Variants in PALS2 observed in about 807,000 individuals in gnomAD.
PALS2 encodes the protein protein associated with LIN7 2, MAGUK p55 family member.
In PALS2, 27 loss-of-function variants were observed where a neutral mutation model predicts 61.6. The observed-to-expected ratio is 0.44, with a 90% CI of 0.32 to 0.60. The LOEUF is 0.60. Among genes scored for constraint, PALS2 ranks in the 20% least tolerant of loss-of-function variants. PALS2 has a pLI of 0.05. For missense variants in PALS2, 554 were observed against 639.4 expected (o/e 0.87, Z 1.44); for synonymous variants, 236 against 218.6 (o/e 1.08, Z -0.70).
chr7:24,578,428 C>T (rs576740971), intron 1 of PALS2, among the ~76,000 whole-genome samples: 1 of 152,288 alleles, frequency 6.6e-6, no homozygotes, highest in East Asian at 1.9e-4. Context: ...CCTCTTTTGG[C>T]CATAAGTAAT....
intron 5 of PALS2, among the ~76,000 whole-genome samples, chr7:24,656,284 C>T (rs1222734125): frequency 6.6e-6 from 1 of 152,184 alleles, no homozygotes; most frequent in Non-Finnish European, 1.5e-5. Context: ...CTAGCCGTTT[C>T]ATCCATTTAA....
At chr7:24,582,477 A>G (rs560342906) in intron 1 of PALS2, among the ~76,000 whole-genome samples, 3 of 152,308 alleles carry the variant, frequency 2.0e-5, no homozygotes, top group Admixed American at 1.3e-4. Context: ...ATAGAATATT[A>G]CTATAAATAC....
chr7:24,625,856 A>G (rs1583894990), intron 2 of PALS2, among the ~76,000 whole-genome samples: 3 of 152,176 alleles, frequency 2.0e-5, no homozygotes, highest in African/African-American at 4.8e-5. Context: ...CAGTATTCCT[A>G]TAATATAGGT....
intron 11 of PALS2, 109 bp downstream of exon 11, chr7:24,680,629 T>TCAAACA: frequency 7.4e-7 from 1 of 1,350,246 alleles, no homozygotes; most frequent in Non-Finnish European, 9.8e-7. Context: ...AGAGTTTTGC[T>TCAAACA]TTGTCACCCA....
Position 24,692,303 on chromosome 7 carries a change from A to G in PALS2, c.*4689A>G, listed in dbSNP as rs1166019764. The G allele has an allele frequency of 2.6e-5, 4 of 152,196 alleles. No individual in the cohort carries two copies. The highest frequency in any genetic ancestry group is 5.9e-5 in the Non-Finnish European group (4 of 68,022). The allele number at this position is 152,196 out of a possible 1,614,324, so 9.4% of individuals were successfully genotyped here. ...AAGTAAAGACAGGGTACTGGCCAAG[A>G]TCCTAATTCTGACTTCTGACTGTGT... On this transcript the variant is annotated 3_prime_UTR_variant, in exon 12 of 12. Transcript: ENST00000222644.
In PALS2 at chr7:24,665,632, C is replaced by G; in HGVS notation, c.828C>G (p.Ser276Arg). ...GAGGAAGCGCTGGTCTCATTCCAAGCCAGTTCCTGGAAGAGAAGAGAAAGG... is the reference window on the plus strand; with the variant it reads ...GAGGAAGCGCTGGTCTCATTCCAAGGCAGTTCCTGGAAGAGAAGAGAAAGG... The part of the protein sequence containing the change: ...KEGGSAGLIP[S>R]QFLEEKRKAF... The change falls in exon 7 of 12, where the codon AGC becomes AGG. Residue 276 changes from serine (S) to arginine (R), a missense_variant. Transcript: ENST00000222644. 6.2e-7 allele frequency: 1 copy of G among 1,613,746 alleles called. No homozygotes were observed.
At chr7:24,671,104 T>A (rs1338859246) in intron 9 of PALS2, among the ~76,000 whole-genome samples, 2 of 152,206 alleles carry the variant, frequency 1.3e-5, no homozygotes, top group Admixed American at 1.3e-4. Context: ...ACTTCCACAC[T>A]GTTTTCCACA....
intron 6 of PALS2, among the ~76,000 whole-genome samples, 173 bp from the exon 7 acceptor site, chr7:24,665,415 C>T (rs1786962929): frequency 1.3e-5 from 2 of 152,178 alleles, no homozygotes; most frequent in African/African-American, 4.8e-5. Flanking sequence ...CCAATTGATT[C>T]TTCAGTGCTG....
Position 24,650,569 on chromosome 7 carries a change from C to T in PALS2, c.508C>T (p.His170Tyr), listed in dbSNP as rs780235524. ...AATGATAGATCGACAAGGTCTACTT[C>T]ATGTGGGAGATATAATTAAAGAAGT... Reference protein sequence around the residue: ...GGMIDRQGLLHVGDIIKEVNG... With the variant: ...GGMIDRQGLLYVGDIIKEVNG... Residue 170 changes from histidine (H) to tyrosine (Y), a missense_variant, in exon 5 of 12, where the codon CAT becomes TAT. Physicochemically the swap from His to Tyr is moderately conservative, Grantham distance 83. Transcript: ENST00000222644. The T allele has an allele frequency of 2.0e-5, 33 of 1,613,210 alleles. No individual in the cohort carries two copies. The highest frequency in any genetic ancestry group is 2.6e-5 in the Non-Finnish European group (31 of 1,179,542).
At chr7:24,579,324 C>G (rs1782751507) in intron 1 of PALS2, among the ~76,000 whole-genome samples, 2 of 152,122 alleles carry the variant, frequency 1.3e-5, no homozygotes, top group African/African-American at 4.8e-5. Flanking sequence ...AAACACAAAT[C>G]AAAATCTGAT....
Position 24,641,847 on chromosome 7 carries a change from A to G in PALS2, c.249A>G (p.Ile83Met), listed in dbSNP as rs752676362. 6.2e-7 allele frequency: 1 copy of G among 1,612,494 alleles called. No individual in the cohort carries two copies. Among genetic ancestry groups the G allele is most frequent in the Non-Finnish European group, 8.5e-7 (1 of 1,179,558 alleles). ...AAAATGTGGCAGAATTGGTTGGTAT[A>G]CTCAAAGAACCTCACTTCCAGGTAA... ...VDENVAELVGILKEPHFQSLL... is the reference protein window; with the variant it reads ...VDENVAELVGMLKEPHFQSLL... Residue 83 changes from isoleucine to methionine, a missense_variant, in exon 3 of 12, where the codon ATA (isoleucine) becomes ATG (methionine). Coordinates refer to ENST00000222644, the MANE Select transcript of PALS2 (RefSeq NM_001303037.2).
chr7:24,687,417 C>T lies in PALS2; in HGVS notation c.1447-21C>T. On this transcript the variant is annotated intron_variant, in intron 11 of 11. Transcript: ENST00000222644. This position sits in a 1 kb window ranked among gnomAD's most constrained non-coding sequence, Gnocchi z 4.5. ...AATATGCATTGTAATACAAACATTT[C>T]CTTTTAAAACTCTTCAACAGGACTC... The T allele has an allele frequency of 6.3e-7, 1 of 1,591,272 alleles. No homozygotes were observed. The highest frequency in any genetic ancestry group is 8.5e-7 in the Non-Finnish European group (1 of 1,169,650).
chr7:24,588,681 C>T (rs1277874419), intron 1 of PALS2, among the ~76,000 whole-genome samples: 2 of 152,100 alleles, frequency 1.3e-5, no homozygotes, highest in African/African-American at 4.8e-5. Flanking sequence ...TAAAGATTGC[C>T]ATACGTATAA....
In PALS2 at chr7:24,689,497, A is replaced by G. The variant is rs1007195432; in HGVS notation, c.*1883A>G. The G allele has an allele frequency of 1.3e-5, 2 of 152,188 alleles. No homozygotes were observed. Among genetic ancestry groups the G allele is most frequent in the African/African-American group, 4.8e-5 (2 of 41,450 alleles). The allele number at this position is 152,188 out of a possible 1,614,324, so 9.4% of individuals were successfully genotyped here. On this transcript the variant is annotated 3_prime_UTR_variant, in exon 12 of 12. Coordinates refer to ENST00000222644, the MANE Select transcript of PALS2 (RefSeq NM_001303037.2). ...AAATATATGACAATAGGCAGTATTG[A>G]CACATTGTTTAAAATCTTTTTCACA...
At position 24,680,484 on chromosome 7, in the gene PALS2, T is replaced by C; in HGVS notation, c.1410T>C (p.Ala470=). The change falls in exon 11 of 12, where the codon GCT becomes GCC. Residue 470 remains alanine (A), a synonymous_variant. Transcript: ENST00000222644. The stretch of plus-strand genomic sequence containing the variant: ...AGACGTTACGTGCCATGCACAAGGC[T>C]GTGGTGGATGCAGGAATCACTACCA... ...ELETLRAMHK[A]VVDAGITTKL... 1 of 1,614,110 alleles carries C rather than the reference T, an allele frequency of 6.2e-7. No individual in the cohort carries two copies. The highest frequency in any genetic ancestry group is 8.5e-7 in the Non-Finnish European group (1 of 1,179,954).
At chr7:24,582,069 G>C (rs571320966) in intron 1 of PALS2, among the ~76,000 whole-genome samples, 4 of 152,300 alleles carry the variant, frequency 2.6e-5, no homozygotes, top group African/African-American at 9.6e-5. Flanking sequence ...AGTTTGTGAA[G>C]CAGTCTGCAT....
intron 1 of PALS2, among the ~76,000 whole-genome samples, chr7:24,585,453 T>C (rs1423741927): frequency 1.3e-5 from 2 of 152,204 alleles, no homozygotes; most frequent in Non-Finnish European, 2.9e-5. Context: ...GATTCCAACT[T>C]CTGTCCTAGA....
intron 1 of PALS2, among the ~76,000 whole-genome samples, chr7:24,605,309 A>G (rs1783857590): frequency 6.6e-6 from 1 of 152,174 alleles, no homozygotes; most frequent in South Asian, 2.1e-4. Flanking sequence ...GAAAAATAGA[A>G]ACAACTGCCA....
intron 1 of PALS2, among the ~76,000 whole-genome samples, chr7:24,607,531 G>GTA (rs749590067): frequency 1.3e-5 from 2 of 151,010 alleles, no homozygotes; most frequent in Admixed American, 6.6e-5. Flanking sequence ...ATATGTGTGT[G>GTA]TATATATACA....
Sources: allele counts gnomAD v4.1 joint callset (sites outside exome capture counted in the v4.1 genomes callset), GRCh38; gene constraint gnomAD v4.1.1; non-coding constraint Gnocchi (gnomAD v3.1); transcripts MANE v1.5; gene names NCBI Gene and HGNC (gene_info 2026-07-23, HGNC 2026-07-21).